Variants in ERCC3 observed in about 807,000 individuals in gnomAD.
ERCC3 encodes the protein ERCC excision repair 3, TFIIH core complex helicase subunit, also known as general transcription and DNA repair factor IIH helicase/translocase subunit XPB.
Under a neutral mutation model 94.2 loss-of-function variants are expected in ERCC3, and 66 were observed. The ratio of observed to expected loss-of-function variants is 0.70; its 90% confidence interval spans 0.57 to 0.86. The LOEUF is 0.86. Ranked by LOEUF, ERCC3 falls within the 40% of genes least tolerant of loss-of-function variation. ERCC3 has a pLI of 0.00. For synonymous variants in ERCC3, 349 were observed against 369.1 expected, an observed-to-expected ratio of 0.95 and a Z score of 0.63; for missense variants, 829 against 987.1, an observed-to-expected ratio of 0.84 and a Z score of 2.15.
At chr2:127,269,343 G>C (rs1684475370) in intron 12 of ERCC3, among the ~76,000 whole-genome samples, 1 of 151,526 alleles carries the variant, frequency 6.6e-6, no homozygotes, top group Non-Finnish European at 1.5e-5. Context: ...AATCTTACAA[G>C]AGCTCAGAGA....
rs778824043 is a variant in ERCC3 at position 127,259,341 on chromosome 2, G to C, written c.2172C>G (p.Ala724=). ...QKVLAATDLD[A]EEEVVAGEFG... is the part of the protein sequence containing the mutation. ...ATTCCCCAGCCACCACCTCCTCCTCGGCATCCAGGTCAGTGGCTGCCAGGA... is the reference window on the plus strand; with the variant it reads ...ATTCCCCAGCCACCACCTCCTCCTCCGCATCCAGGTCAGTGGCTGCCAGGA... Residue 724 remains alanine (A), a synonymous_variant, in exon 14 of 15, where the codon GCC becomes GCG. Coordinates refer to ENST00000285398, the MANE Select transcript of ERCC3 (RefSeq NM_000122.2). The surrounding 1 kb of genome is among the most constrained non-coding windows in gnomAD (Gnocchi z 4.9). 10 of 1,613,942 alleles carry C rather than the reference G, an allele frequency of 6.2e-6. No individual in the cohort carries two copies.
At chr2:127,273,749 C>CAAAAAAAAA (rs398039596) in intron 10 of ERCC3, among the ~76,000 whole-genome samples, 14 of 40,118 alleles carry the variant, frequency 3.5e-4, no homozygotes, top group African/African-American at 1.5e-3. Context: ...AACTCTGTCT[C>CAAAAAAAAA]AAAAAAAAAA....
chr2:127,261,664 T>C lies in ERCC3; in HGVS notation c.1946-318A>G, dbSNP rs1285376883. ...AAATTAATTATAAATGAGAGAAGAA[T>C]ATGAACAGATTACTTCTCCAAAAAC... On this transcript the variant is annotated intron_variant, in intron 12 of 14. Transcript: ENST00000285398. 3 of 353,034 alleles carry C rather than the reference T, an allele frequency of 8.5e-6. No individual in the cohort carries two copies. In the East Asian group the frequency reaches 2.1e-4, roughly 24 times the overall value. 21.9% of individuals were successfully genotyped at this position (353,034 alleles called of 1,614,324 possible).
chr2:127,263,941 T>C (rs1277779568), intron 12 of ERCC3, among the ~76,000 whole-genome samples: 2 of 152,088 alleles, frequency 1.3e-5, no homozygotes, highest in African/African-American at 4.8e-5. Flanking sequence ...TCTCCTGACC[T>C]TGTTGTGATC....
In ERCC3 at chr2:127,294,124, G is replaced by A. The variant is rs1333343176; in HGVS notation, c.-43C>T. 1 of 1,596,696 alleles carries A rather than the reference G, an allele frequency of 6.3e-7. No homozygotes were observed. The highest frequency in any genetic ancestry group is 2.3e-5 in the East Asian group (1 of 44,322). On this transcript the variant is annotated 5_prime_UTR_variant, in exon 1 of 15. Coordinates refer to ENST00000285398, the MANE Select transcript of ERCC3 (RefSeq NM_000122.2). ...AGAGAAGATGACCCCGCTCCCACAG[G>A]CCCGCCGCGGCATCCGCTCTGGGGG...
rs138897577 is a variant in ERCC3 at position 127,288,660 on chromosome 2, C to A, written c.1027G>T (p.Gly343Cys). The A allele has an allele frequency of 1.2e-6, 2 of 1,613,720 alleles. No individual in the cohort carries two copies. Among genetic ancestry groups the A allele is most frequent in the East Asian group, 4.5e-5 (2 of 44,864 alleles). ...CCTTCTTAACTCTGGTACCACTTACCGCAGGGAAGAACAATGACCCCCGAA... is the reference window on the plus strand; with the variant it reads ...CCTTCTTAACTCTGGTACCACTTACAGCAGGGAAGAACAATGACCCCCGAA... ...ARSGVIVLPCGAGKSLVGVTA... is the reference protein window; with the variant it reads ...ARSGVIVLPCCAGKSLVGVTA... Residue 343 changes from glycine (G) to cysteine (C), a missense_variant and splice_region_variant, in exon 7 of 15, where the codon GGT becomes TGT. By Grantham distance (159) the Gly-to-Cys change is radical. Coordinates refer to ENST00000285398, the MANE Select transcript of ERCC3 (RefSeq NM_000122.2).
At chr2:127,292,433 C>T in intron 3 of ERCC3, 177 bp downstream of exon 3, 2 of 725,044 alleles carry the variant, frequency 2.8e-6, no homozygotes, top group Non-Finnish European at 5.0e-6. Context: ...CATGGCCTCA[C>T]CCAGAACACA....
chr2:127,285,324 C>A (rs992931994), intron 8 of ERCC3, among the ~76,000 whole-genome samples: 9 of 152,090 alleles, frequency 5.9e-5, no homozygotes, highest in Admixed American at 3.9e-4. Flanking sequence ...CTTTGGGAGG[C>A]CCAAGCAGGC....
chr2:127,283,207 T>C (rs1282050527), intron 8 of ERCC3, among the ~76,000 whole-genome samples: 1 of 151,996 alleles, frequency 6.6e-6, no homozygotes, highest in African/African-American at 2.4e-5. Flanking sequence ...ACAATCAGGG[T>C]ACAGATAAAG....
At chr2:127,273,039 G>C in intron 10 of ERCC3, 78 bp from the exon 11 acceptor site, 1 of 879,454 alleles carries the variant, frequency 1.1e-6, no homozygotes, top group Non-Finnish European at 1.9e-6. Flanking sequence ...GGAAAAAGGA[G>C]CTCAGGCTAG....
At chr2:127,283,409 C>T (rs533684585) in intron 8 of ERCC3, among the ~76,000 whole-genome samples, 1 of 152,328 alleles carries the variant, frequency 6.6e-6, no homozygotes, top group Admixed American at 6.5e-5. Context: ...CAGGTTGCAA[C>T]ATGCAGCAAG....
intron 12 of ERCC3, chr2:127,263,018 G>A (rs1336311631): frequency 3.3e-5 from 5 of 152,174 alleles, no homozygotes; most frequent in African/African-American, 1.2e-4. Flanking sequence ...ATTGGTCTAT[G>A]TGCCTGTTCT....
At position 127,271,250 on chromosome 2, in the gene ERCC3, T is replaced by C. The variant is rs1684539447; in HGVS notation, c.1945+86A>G. The C allele has an allele frequency of 2.2e-6, 2 of 913,330 alleles. No homozygotes were observed. Among genetic ancestry groups the C allele is most frequent in the Non-Finnish European group, 1.8e-6 (1 of 541,860 alleles). 56.6% of individuals were successfully genotyped at this position (913,330 alleles called of 1,614,324 possible). A position where few individuals can be genotyped will look rare whatever the true frequency, so the allele number is the denominator to read the frequency against. On this transcript the variant is annotated intron_variant, in intron 12 of 14. Transcript: ENST00000285398. The surrounding 1 kb of genome is among the most constrained non-coding windows in gnomAD (Gnocchi z 5.0). The stretch of plus-strand genomic sequence containing the variant: ...AGAGTCTATTTAGCCCCAGGGCACA[T>C]GGCAGCTCTCACCCCTATCGTCTTC...
At position 127,291,348 on chromosome 2, in the gene ERCC3, C is replaced by T. The variant is rs950460179; in HGVS notation, c.472-1075G>A. Among the ~76,000 whole-genome samples, 3 of 152,080 alleles carry T rather than the reference C, an allele frequency of 2.0e-5. No individual in the cohort carries two copies. Among genetic ancestry groups the T allele is most frequent in the Non-Finnish European group, 4.4e-5 (3 of 68,018 alleles). On this transcript the variant is annotated intron_variant, in intron 3 of 14. Coordinates refer to ENST00000285398, the MANE Select transcript of ERCC3 (RefSeq NM_000122.2). This position sits in a 1 kb window ranked among gnomAD's most constrained non-coding sequence, Gnocchi z 4.9. ...GATCTCAGCTCACTTCAACCTCTGC[C>T]GCCCGGGTTCAAGTGATTGTCCTGC...
At chr2:127,261,070 T>G in intron 13 of ERCC3, 158 bp downstream of exon 13, 1 of 682,340 alleles carries the variant, frequency 1.5e-6, no homozygotes, top group Non-Finnish European at 2.7e-6. Flanking sequence ...ACAGCTGCCC[T>G]CAGAGATTCA....
chr2:127,289,782 A>T lies in ERCC3; in HGVS notation c.564T>A (p.Leu188=). ...ESCHPDVIQH[L]LQDPVIRECR... ...ATTCTCGGATCACGGGGTCCTGGAGAAGATGCTGGATTACATCAGGGTGGC... is the reference window on the plus strand; with the variant it reads ...ATTCTCGGATCACGGGGTCCTGGAGTAGATGCTGGATTACATCAGGGTGGC... The change falls in exon 5 of 15, where the codon CTT becomes CTA. Residue 188 remains leucine (L), a synonymous_variant. Transcript: ENST00000285398. 8 of 1,614,090 alleles carry T rather than the reference A, an allele frequency of 5.0e-6. No homozygotes were observed. The highest frequency in any genetic ancestry group is 1.7e-5 in the Admixed American group (1 of 60,018).
intron 5 of ERCC3, 30 bp from the exon 6 acceptor site, chr2:127,289,531 CACA>C (rs1685194424): frequency 1.9e-6 from 3 of 1,611,818 alleles, no homozygotes; most frequent in Non-Finnish European, 2.5e-6. Flanking sequence ...TGAACGTGCA[CACA>C]ACATTTAATT....
At position 127,257,803 on chromosome 2, in the gene ERCC3, G is replaced by T; in HGVS notation, c.2218-76C>A. 6.6e-7 allele frequency: 1 copy of T among 1,506,402 alleles called. No homozygotes were observed. The highest frequency in any genetic ancestry group is 9.2e-7 in the Non-Finnish European group (1 of 1,087,172). The allele number at this position is 1,506,402 out of a possible 1,614,324, so 93.3% of individuals were successfully genotyped here. A position where few individuals can be genotyped will look rare whatever the true frequency, so the allele number is the denominator to read the frequency against. On this transcript the variant is annotated intron_variant, in intron 14 of 14. Coordinates refer to ENST00000285398, the MANE Select transcript of ERCC3 (RefSeq NM_000122.2). This position sits in a 1 kb window ranked among gnomAD's most constrained non-coding sequence, Gnocchi z 5.4. ...TCCTTTTATAATACTTATAATCACA[G>T]CAAATTTTATAAGACTTACATAAAT...
chr2:127,278,864 A>G (rs1281653388), intron 10 of ERCC3, among the ~76,000 whole-genome samples: 1 of 152,148 alleles, frequency 6.6e-6, no homozygotes, highest in Non-Finnish European at 1.5e-5. Flanking sequence ...AAAGCTCCAA[A>G]TGCCAACTCC....
Sources: allele counts gnomAD v4.1 joint callset (sites outside exome capture counted in the v4.1 genomes callset), GRCh38; gene constraint gnomAD v4.1.1; non-coding constraint Gnocchi (gnomAD v3.1); transcripts MANE v1.5; gene names NCBI Gene and HGNC (gene_info 2026-07-23, HGNC 2026-07-21).